Variants in BAZ1A observed in about 807,000 individuals in gnomAD.
BAZ1A encodes bromodomain adjacent to zinc finger domain protein 1A.
Under a neutral mutation model 185.2 loss-of-function variants are expected in BAZ1A, and 50 were observed. The ratio of observed to expected loss-of-function variants is 0.27; its 90% CI spans 0.22 to 0.34. The LOEUF (loss-of-function observed/expected upper bound fraction) is 0.34, where lower values mean the gene tolerates loss of function less well. Ranked by LOEUF, BAZ1A falls within the 10% of genes least tolerant of loss-of-function variation. The pLI, the probability that BAZ1A is intolerant of heterozygous loss-of-function variation, is 1.00. For synonymous variants in BAZ1A, 571 were observed against 615.6 expected, an observed-to-expected ratio of 0.93 and a Z score of 1.07; for missense variants, 1,356 against 1,839.9, an observed-to-expected ratio of 0.74 and a Z score of 4.81.
rs147647504 is a variant in BAZ1A at position 34,753,532 on chromosome 14, C to T, written c.4647G>A (p.Pro1549=). The change falls in exon 27 of 27, where the codon CCG becomes CCA. Residue 1549 remains proline (P), a synonymous_variant. Transcript: ENST00000360310. ...PSNVDQVSTP[P]AAKKSRI ...GTCAGATTCGTGACTTTTTCGCAGC[C>T]GGTGGTGTGCTAACTTGGTCCACAT... 1.6e-5 allele frequency: 26 copies of T among 1,613,838 alleles called. No individual in the cohort carries two copies. The highest frequency in any genetic ancestry group is 3.3e-5 in the South Asian group (3 of 91,072).
intron 25 of BAZ1A, among the ~76,000 whole-genome samples, chr14:34,757,904 G>A (rs12882249): frequency 2.7e-5 from 4 of 150,604 alleles, no homozygotes; most frequent in African/African-American, 9.7e-5. Flanking sequence ...CTGCCACCAC[G>A]CCTGGCTAAT....
intron 12 of BAZ1A, among the ~76,000 whole-genome samples, chr14:34,788,138 C>T (rs564403444): frequency 4.1e-4 from 62 of 152,140 alleles, no homozygotes; most frequent in Admixed American, 1.3e-3. Context: ...CTGCCTCAGC[C>T]TCCCAGGTAG....
chr14:34,861,238 TAA>T (rs2042764510), intron 3 of BAZ1A, among the ~76,000 whole-genome samples: 1 of 152,128 alleles, frequency 6.6e-6, no homozygotes, highest in African/African-American at 2.4e-5. Context: ...TTAATGCATA[TAA>T]AGTTTATTAT....
intron 25 of BAZ1A, among the ~76,000 whole-genome samples, chr14:34,758,105 G>A (rs1431638497): frequency 2.6e-4 from 35 of 136,668 alleles, no homozygotes; most frequent in Non-Finnish European, 5.2e-4. Flanking sequence ...AATGAAGTGA[G>A]ACCCTGTCTC....
chr14:34,794,555 G>A (rs1301491810), intron 11 of BAZ1A, among the ~76,000 whole-genome samples, 194 bp downstream of exon 11: 1 of 152,154 alleles, frequency 6.6e-6, no homozygotes, highest in Non-Finnish European at 1.5e-5. Context: ...GAGATACTCT[G>A]ATGAAATGAA....
chr14:34,814,284 A>G (rs2041973676), intron 4 of BAZ1A, among the ~76,000 whole-genome samples: 1 of 151,516 alleles, frequency 6.6e-6, no homozygotes, highest in African/African-American at 2.4e-5. Flanking sequence ...ACTATGCATT[A>G]TATATTAACA....
intron 3 of BAZ1A, among the ~76,000 whole-genome samples, chr14:34,833,717 T>C (rs775145816): frequency 1.4e-4 from 21 of 152,238 alleles, no homozygotes; most frequent in Middle Eastern, 3.4e-3. Flanking sequence ...TATTGCTTAA[T>C]AGCTACAGAG....
intron 24 of BAZ1A, among the ~76,000 whole-genome samples, chr14:34,760,735 G>A (rs1172668077): frequency 6.6e-6 from 1 of 151,870 alleles, no homozygotes; most frequent in African/African-American, 2.4e-5. Flanking sequence ...TCCTGTAGTC[G>A]CAGCTGCTTG....
intron 12 of BAZ1A, among the ~76,000 whole-genome samples, chr14:34,788,561 C>T (rs1880643273): frequency 6.6e-6 from 1 of 152,168 alleles, no homozygotes; most frequent in African/African-American, 2.4e-5. Flanking sequence ...GCCCTGGCTT[C>T]CCGAAGTGCC....
At chr14:34,812,168 A>G (rs2041939075) in intron 4 of BAZ1A, among the ~76,000 whole-genome samples, 1 of 151,316 alleles carries the variant, frequency 6.6e-6, no homozygotes, top group East Asian at 1.9e-4. Context: ...ACAGATAGTG[A>G]TCTCTGATAA....
chr14:34,821,799 A>G (rs903768519), intron 4 of BAZ1A, among the ~76,000 whole-genome samples: 3 of 152,102 alleles, frequency 2.0e-5, no homozygotes, highest in African/African-American at 7.2e-5. Context: ...AGCCTGACCA[A>G]CATGGAGAAA....
chr14:34,798,635 A>T (rs1881336224), intron 9 of BAZ1A, among the ~76,000 whole-genome samples: 1 of 152,254 alleles, frequency 6.6e-6, no homozygotes, highest in South Asian at 2.1e-4. Flanking sequence ...CACATGAAAA[A>T]ATGCTCATCA....
chr14:34,854,994 G>A (rs1027721777), intron 3 of BAZ1A, among the ~76,000 whole-genome samples: 3 of 152,106 alleles, frequency 2.0e-5, no homozygotes, highest in African/African-American at 7.2e-5. Flanking sequence ...CACAAGTATC[G>A]CTCGAACCCA....
chr14:34,819,330 C>T (rs775061306), intron 4 of BAZ1A, among the ~76,000 whole-genome samples: 16 of 151,998 alleles, frequency 1.1e-4, no homozygotes, highest in Non-Finnish European at 1.8e-4. Flanking sequence ...AGTCTCAATG[C>T]CCCAGAAATC....
At chr14:34,796,062 G>A (rs1026477057) in intron 9 of BAZ1A, among the ~76,000 whole-genome samples, 2 of 152,126 alleles carry the variant, frequency 1.3e-5, no homozygotes, top group African/African-American at 2.4e-5. Flanking sequence ...CACTTTGGGA[G>A]TCAGAGTCAG....
intron 3 of BAZ1A, among the ~76,000 whole-genome samples, chr14:34,833,804 CTG>C (rs1486960437): frequency 9.9e-5 from 15 of 152,044 alleles, no homozygotes; most frequent in Admixed American, 9.8e-4. Context: ...ATTAAGTACA[CTG>C]TGAATGTACT....
chr14:34,813,159 G>T (rs1438467610), intron 4 of BAZ1A, among the ~76,000 whole-genome samples: 1 of 152,084 alleles, frequency 6.6e-6, no homozygotes, highest in African/African-American at 2.4e-5. Context: ...AAGGCTTGTG[G>T]ATCACTTGAG....
chr14:34,823,226 G>C (rs554904136), intron 4 of BAZ1A, among the ~76,000 whole-genome samples: 1 of 151,128 alleles, frequency 6.6e-6, no homozygotes, highest in Admixed American at 6.6e-5. Flanking sequence ...GTGGTGGCAC[G>C]CGCCTGTAGT....
At chr14:34,832,254 A>G (rs1268871873) in intron 3 of BAZ1A, among the ~76,000 whole-genome samples, 3 of 146,426 alleles carry the variant, frequency 2.0e-5, no homozygotes, top group Non-Finnish European at 3.0e-5. Context: ...ATTTCCTAAC[A>G]AAGAAAAGCC....
Sources: allele counts gnomAD v4.1 joint callset (sites outside exome capture counted in the v4.1 genomes callset), GRCh38; gene constraint gnomAD v4.1.1; transcripts MANE v1.5; gene names NCBI Gene and HGNC (gene_info 2026-07-23, HGNC 2026-07-21).